Variants in KIRREL3 observed in about 807,000 individuals in gnomAD.
KIRREL3 encodes kirre like nephrin family adhesion molecule 3, also known as kin of IRRE-like protein 3.
In KIRREL3, 36 loss-of-function variants were observed where a neutral mutation model predicts 89.7. That is an observed-to-expected ratio of 0.40 (90% CI 0.31 to 0.53). The LOEUF is 0.53. Ranked by LOEUF, KIRREL3 falls within the 20% of genes least tolerant of loss-of-function variation. The pLI is 0.49. For synonymous variants in KIRREL3, 445 were observed against 441.4 expected (o/e 1.01, Z -0.10); for missense variants, 864 against 1,056.6 (o/e 0.82, Z 2.53).
At chr11:126,836,469 G>T (rs1257633356) in intron 1 of KIRREL3, among the ~76,000 whole-genome samples, 1 of 73,888 alleles carries the variant, frequency 1.4e-5, no homozygotes, top group African/African-American at 6.8e-5. Flanking sequence ...AAGATGAACA[G>T]AGTGCCTGAA....
chr11:126,528,787 C>A lies in KIRREL3; in HGVS notation c.134-2100G>T, dbSNP rs747974223. On this transcript the variant is annotated intron_variant, in intron 2 of 16. Transcript: ENST00000525144. This position sits in a 1 kb window ranked among gnomAD's most constrained non-coding sequence, Gnocchi z 4.6. Reference sequence around the variant, plus strand: ...AGAGAGCAAAGGAGTGAAGTGAGGACGTGGGAGAGAAGAGGAGAGGGAGAG... The same window carrying A: ...AGAGAGCAAAGGAGTGAAGTGAGGAAGTGGGAGAGAAGAGGAGAGGGAGAG... 8.0e-6 allele frequency among the ~76,000 whole-genome samples: 1 copy of A among 124,688 alleles called. No homozygotes were observed. The allele number at this position is 124,688 out of a possible 152,430, so 81.8% of individuals were successfully genotyped here. A position where few individuals can be genotyped will look rare whatever the true frequency, so the allele number is the denominator to read the frequency against.
chr11:126,993,828 A>ACGTT lies in KIRREL3; in HGVS notation c.55+6626_55+6627insAACG, dbSNP rs1950106975. On this transcript the variant is annotated intron_variant, in intron 1 of 16. Coordinates refer to ENST00000525144, the MANE Select transcript of KIRREL3 (RefSeq NM_032531.4). The surrounding 1 kb of genome is among the most constrained non-coding windows in gnomAD (Gnocchi z 6.1). Reference sequence around the variant, plus strand: ...GGGAAAATGTGGAATAGTGACAGCGATGTTTGTTTGTTATTGCTGCAACTC... The same window carrying ACGTT: ...GGGAAAATGTGGAATAGTGACAGCGACGTTTGTTTGTTTGTTATTGCTGCAACTC... 6.6e-6 allele frequency among the ~76,000 whole-genome samples: 1 copy of ACGTT among 152,172 alleles called. No homozygotes were observed. Among genetic ancestry groups the ACGTT allele is most frequent in the Non-Finnish European group, 1.5e-5 (1 of 68,032 alleles).
rs1362392131 is a variant in KIRREL3 at position 126,867,279 on chromosome 11, A to T, written c.55+133176T>A. Reference sequence around the variant, plus strand: ...AAGGAAATTCTCCCGTTTCAATAGCAGGTCTTCAGGACCTGTGCTGGGACT... The same window carrying T: ...AAGGAAATTCTCCCGTTTCAATAGCTGGTCTTCAGGACCTGTGCTGGGACT... On this transcript the variant is annotated intron_variant, in intron 1 of 16. Coordinates refer to ENST00000525144, the MANE Select transcript of KIRREL3 (RefSeq NM_032531.4). The surrounding 1 kb of genome is among the most constrained non-coding windows in gnomAD (Gnocchi z 4.7). Among the ~76,000 whole-genome samples the T allele has an allele frequency of 6.6e-6, 1 of 152,236 alleles. No homozygotes were observed. Among genetic ancestry groups the T allele is most frequent in the Non-Finnish European group, 1.5e-5 (1 of 68,040 alleles).
intron 1 of KIRREL3, chr11:126,944,204 TA>T (rs1204340407): frequency 6.6e-6 from 1 of 152,222 alleles, no homozygotes; most frequent in Non-Finnish European, 1.5e-5. Flanking sequence ...TCATCAAGTC[TA>T]AGCATAGAAA....
rs573555327 is a variant in KIRREL3 at position 126,954,386 on chromosome 11, T to G, written c.55+46069A>C. Among the ~76,000 whole-genome samples, 1 of 152,310 alleles carries G rather than the reference T, an allele frequency of 6.6e-6. No individual in the cohort carries two copies. Among genetic ancestry groups the G allele is most frequent in the South Asian group, 2.1e-4 (1 of 4,812 alleles). ...TTATTTATCACTTCAATGAAGAATT[T>G]ATTGATTTACTTAATATTCATTGCT... On this transcript the variant is annotated intron_variant, in intron 1 of 16. Transcript: ENST00000525144. The surrounding 1 kb of genome is among the most constrained non-coding windows in gnomAD (Gnocchi z 4.1).
rs1427986491 is a variant in KIRREL3 at position 126,553,651 on chromosome 11, G to T, written c.133+9184C>A. ...CGTCACCTTCTGAACCTTGAAGGGA[G>T]TTCTTCTGATGGGAACTGACTTGTT... On this transcript the variant is annotated intron_variant, in intron 2 of 16. Transcript: ENST00000525144. This position sits in a 1 kb window ranked among gnomAD's most constrained non-coding sequence, Gnocchi z 4.7. 6.6e-6 allele frequency among the ~76,000 whole-genome samples: 1 copy of T among 152,168 alleles called. No individual in the cohort carries two copies. Among genetic ancestry groups the T allele is most frequent in the Non-Finnish European group, 1.5e-5 (1 of 68,040 alleles).
chr11:126,534,321 T>G (rs1959035443), intron 2 of KIRREL3, among the ~76,000 whole-genome samples: 1 of 152,194 alleles, frequency 6.6e-6, no homozygotes, highest in East Asian at 1.9e-4. Flanking sequence ...CGCATCTGAC[T>G]GGCGCTGAAC....
rs140266370 is a variant in KIRREL3, at chr11:126,592,083, G to A, written c.56-29171C>T. On this transcript the variant is annotated intron_variant, in intron 1 of 16. Transcript: ENST00000525144. ...TGAGGCCTTGCTCACAGCCCTAGGTGGGCCAGGAAATAACATTCCAGGGCC... is the reference window on the plus strand; with the variant it reads ...TGAGGCCTTGCTCACAGCCCTAGGTAGGCCAGGAAATAACATTCCAGGGCC... 6.6e-5 allele frequency among the ~76,000 whole-genome samples: 10 copies of A among 152,272 alleles called. No individual in the cohort carries two copies. In the South Asian group the frequency reaches 8.3e-4, roughly 13 times the overall value.
At chr11:126,440,417 CG>C (rs763996466) in intron 11 of KIRREL3, 31 bp downstream of exon 11, 4 of 1,543,526 alleles carry the variant, frequency 2.6e-6, no homozygotes, top group Non-Finnish European at 2.6e-6. Context: ...GCTGCTGGCC[CG>C]GCCCCCGCCC....
rs959773256 is a variant in KIRREL3 at position 126,908,061 on chromosome 11, A to G, written c.55+92394T>C. ...ATTCTTCCCTGCTTTCTTTTCCTCC[A>G]TAGCCCTTATCAGTACCTAACATAT... is the stretch of plus-strand genomic sequence containing the variant. On this transcript the variant is annotated intron_variant, in intron 1 of 16. Coordinates refer to ENST00000525144, the MANE Select transcript of KIRREL3 (RefSeq NM_032531.4). The surrounding 1 kb of genome is among the most constrained non-coding windows in gnomAD (Gnocchi z 4.2). Among the ~76,000 whole-genome samples, 33 of 152,128 alleles carry G rather than the reference A, an allele frequency of 2.2e-4. No homozygotes were observed. Among genetic ancestry groups the G allele is most frequent in the African/African-American group, 8.0e-4 (33 of 41,494 alleles).
At chr11:126,534,787 G>A (rs887074555) in intron 2 of KIRREL3, among the ~76,000 whole-genome samples, 1 of 152,240 alleles carries the variant, frequency 6.6e-6, no homozygotes. Context: ...GAAGGTAGAA[G>A]CTTCAGGAGT....
intron 1 of KIRREL3, among the ~76,000 whole-genome samples, chr11:126,572,769 G>A (rs753605284): frequency 1.4e-4 from 22 of 152,158 alleles, no homozygotes; most frequent in African/African-American, 3.4e-4. Context: ...CAGCAGGGGC[G>A]GGGCTGCTAT....
chr11:126,671,257 G>C, intron 1 of KIRREL3, among the ~76,000 whole-genome samples: 1 of 140,630 alleles, frequency 7.1e-6, no homozygotes, highest in African/African-American at 2.7e-5. Context: ...TTTTTGAGTC[G>C]AGGTCTTGCT....
rs1471851006 is a variant in KIRREL3 at position 126,687,038 on chromosome 11, AG to A, written c.56-124127del. 6.6e-6 allele frequency among the ~76,000 whole-genome samples: 1 copy of A among 152,212 alleles called. No individual in the cohort carries two copies. The highest frequency in any genetic ancestry group is 2.4e-5 in the African/African-American group (1 of 41,456). On this transcript the variant is annotated intron_variant, in intron 1 of 16. Transcript: ENST00000525144. The surrounding 1 kb of genome is among the most constrained non-coding windows in gnomAD (Gnocchi z 4.6). ...TAGAAGGCAGGACAATGAGGATGACAGGCCAGAGGTGAGGTTGCAAGTGTGG... is the reference window on the plus strand; with the variant it reads ...TAGAAGGCAGGACAATGAGGATGACAGCCAGAGGTGAGGTTGCAAGTGTGG...
Position 126,981,067 on chromosome 11 carries a change from T to C in KIRREL3, c.55+19388A>G, listed in dbSNP as rs1479336716. Among the ~76,000 whole-genome samples, 1 of 152,222 alleles carries C rather than the reference T, an allele frequency of 6.6e-6. No homozygotes were observed. The highest frequency in any genetic ancestry group is 1.5e-5 in the Non-Finnish European group (1 of 68,044). ...TGGACTATCATTATTCAATTTAAAT[T>C]GCTACAAAGTACTATTCTTACATGA... On this transcript the variant is annotated intron_variant, in intron 1 of 16. Transcript: ENST00000525144. This position sits in a 1 kb window ranked among gnomAD's most constrained non-coding sequence, Gnocchi z 4.2.
chr11:126,514,868 A>AC (rs774699804), intron 4 of KIRREL3, among the ~76,000 whole-genome samples: 2,300 of 76,266 alleles, frequency 0.03, 39 homozygotes, highest in African/African-American at 0.069. Context: ...ACAACACAAC[A>AC]AAACACAATT....
chr11:126,804,016 T>C (rs907473633), intron 1 of KIRREL3, among the ~76,000 whole-genome samples: 2 of 152,218 alleles, frequency 1.3e-5, no homozygotes, highest in African/African-American at 4.8e-5. Context: ...CATGTGTCTA[T>C]GTGTGCATAT....
intron 7 of KIRREL3, among the ~76,000 whole-genome samples, chr11:126,450,417 G>T (rs528676255): frequency 1.3e-5 from 2 of 151,554 alleles, no homozygotes; most frequent in African/African-American, 4.9e-5. Flanking sequence ...GTGCATGTGT[G>T]AGTGGGCATG....
intron 1 of KIRREL3, among the ~76,000 whole-genome samples, chr11:126,945,404 C>T (rs1393148725): frequency 6.6e-6 from 1 of 152,206 alleles, no homozygotes; most frequent in Non-Finnish European, 1.5e-5. Context: ...CACCCTCCTT[C>T]CAGCAGTTCA....
Sources: gnomAD v4.1 joint callset for allele counts (sites outside exome capture counted in the v4.1 genomes callset) on GRCh38, gnomAD v4.1.1 for gene constraint, Gnocchi (gnomAD v3.1) non-coding constraint, MANE v1.5 for transcripts, NCBI Gene and HGNC (gene_info 2026-07-23, HGNC 2026-07-21) for gene names.